Variants in MINDY4 observed in about 807,000 individuals in gnomAD.
The protein encoded by MINDY4 is MINDY lysine 48 deubiquitinase 4.
In MINDY4, 68 loss-of-function variants were observed where a neutral mutation model predicts 87.0. The observed-to-expected ratio is 0.78, with a 90% CI of 0.64 to 0.96. MINDY4 has a LOEUF of 0.96. MINDY4 is among the 40% of genes least tolerant of loss of function. MINDY4 has a pLI of 0.00. For missense variants in MINDY4, 919 were observed against 928.2 expected, an observed-to-expected ratio of 0.99 and a Z score of 0.13; for synonymous variants, 379 against 363.2, an observed-to-expected ratio of 1.04 and a Z score of -0.50.
chr7:30,831,982 G>A lies in MINDY4; in HGVS notation c.1132+3245G>A, dbSNP rs767254391. ...GCTTTGTCTTCCTGGCCAACATGTC[G>A]TTCTGGAGTGTTTTGTTTTTCCCTT... On this transcript the variant is annotated intron_variant, in intron 6 of 17. Coordinates refer to ENST00000265299, the MANE Select transcript of MINDY4 (RefSeq NM_032222.3). Among the ~76,000 whole-genome samples, 11 of 149,934 alleles carry A rather than the reference G, an allele frequency of 7.3e-5. 1 individual carries two copies. The South Asian group carries it at 1.0e-3, about 14-fold the overall frequency.
At chr7:30,870,547 AC>A in intron 13 of MINDY4, among the ~76,000 whole-genome samples, 1 of 152,188 alleles carries the variant, frequency 6.6e-6, no homozygotes, top group African/African-American at 2.4e-5. Context: ...TGCAAGGGTA[AC>A]CCCAGCTCAT....
chr7:30,871,975 A>C (rs73301957), intron 13 of MINDY4, among the ~76,000 whole-genome samples: 1 of 152,174 alleles, frequency 6.6e-6, no homozygotes, highest in African/African-American at 2.4e-5. Flanking sequence ...GCTGTTCTCT[A>C]GTGTAGGCAG....
At chr7:30,849,854 A>G (rs1289308861) in intron 9 of MINDY4, among the ~76,000 whole-genome samples, 2 of 152,102 alleles carry the variant, frequency 1.3e-5, no homozygotes, top group African/African-American at 4.8e-5. Context: ...TCCCAGCCAC[A>G]TTGTCCTTAT....
At chr7:30,833,663 A>G (rs1006500255) in intron 6 of MINDY4, among the ~76,000 whole-genome samples, 8 of 152,234 alleles carry the variant, frequency 5.3e-5, no homozygotes, top group Non-Finnish European at 1.5e-5. Flanking sequence ...AAAAGTCCAC[A>G]GTTTAAAGTC....
At chr7:30,847,506 C>T (rs1278726762) in intron 9 of MINDY4, among the ~76,000 whole-genome samples, 1 of 151,984 alleles carries the variant, frequency 6.6e-6, no homozygotes, top group South Asian at 2.1e-4. Context: ...CCCAAGCTCT[C>T]CTTCCTTCCT....
Position 30,874,234 on chromosome 7 carries a change from C to T in MINDY4, c.1810-1261C>T, listed in dbSNP as rs548967735. On this transcript the variant is annotated intron_variant, in intron 14 of 17. Coordinates refer to ENST00000265299, the MANE Select transcript of MINDY4 (RefSeq NM_032222.3). Reference sequence around the variant, plus strand: ...CCTGCCCTAGTGCTGGGGCTGGGCTCGCTCAAATTCCTCCTCAGTAGGCCC... The same window carrying T: ...CCTGCCCTAGTGCTGGGGCTGGGCTTGCTCAAATTCCTCCTCAGTAGGCCC... Among the ~76,000 whole-genome samples, 17 of 152,326 alleles carry T rather than the reference C, an allele frequency of 1.1e-4. No individual in the cohort carries two copies. The South Asian group carries it at 2.3e-3, about 20-fold the overall frequency.
intron 5 of MINDY4, among the ~76,000 whole-genome samples, chr7:30,794,510 G>A (rs756308233): frequency 5.9e-5 from 9 of 152,106 alleles, no homozygotes; most frequent in Admixed American, 1.3e-4. Context: ...GGCACAGGTG[G>A]GGTTAGGGGG....
intron 12 of MINDY4, among the ~76,000 whole-genome samples, chr7:30,856,822 G>A (rs577996564): frequency 6.6e-6 from 1 of 151,678 alleles, no homozygotes; most frequent in Admixed American, 6.6e-5. Flanking sequence ...CTGGTACAAG[G>A]GACTGGTGAC....
chr7:30,853,260 G>A (rs78306279), intron 11 of MINDY4, 134 bp from the exon 12 acceptor site: 45,770 of 713,300 alleles, frequency 0.064, 1,887 homozygotes, highest in Non-Finnish European at 0.074. Context: ...CTGACTTGGA[G>A]ATGCTGCTCT....
At chr7:30,863,649 T>A (rs1049173904) in intron 13 of MINDY4, among the ~76,000 whole-genome samples, 1 of 152,126 alleles carries the variant, frequency 6.6e-6, no homozygotes, top group Non-Finnish European at 1.5e-5. Context: ...GAGGACATCA[T>A]GGACAGATGT....
intron 5 of MINDY4, among the ~76,000 whole-genome samples, chr7:30,819,588 A>G (rs1398927715): frequency 6.6e-6 from 1 of 152,138 alleles, no homozygotes; most frequent in African/African-American, 2.4e-5. Flanking sequence ...AAAATTTTCT[A>G]TTATGCTCAC....
intron 7 of MINDY4, 89 bp downstream of exon 7, chr7:30,836,853 TC>T: frequency 2.1e-6 from 2 of 935,030 alleles, no homozygotes; most frequent in Admixed American, 4.2e-5. Flanking sequence ...CCAATCCAGC[TC>T]ATTGTAATCT....
chr7:30,785,611 AACGC>A, intron 3 of MINDY4, 134 bp from the exon 4 acceptor site: 1 of 1,002,980 alleles, frequency 1.0e-6, no homozygotes, highest in African/African-American at 1.6e-5. Flanking sequence ...CTTTCATGAT[AACGC>A]ACTGGCTGGT....
intron 5 of MINDY4, among the ~76,000 whole-genome samples, chr7:30,799,824 A>G (rs1006457852): frequency 6.6e-6 from 1 of 152,210 alleles, no homozygotes; most frequent in African/African-American, 2.4e-5. Context: ...CTCAGGAGGA[A>G]GTGGGGTGAG....
intron 5 of MINDY4, among the ~76,000 whole-genome samples, chr7:30,804,527 G>A (rs533492768): frequency 5.6e-4 from 86 of 152,274 alleles, no homozygotes; most frequent in African/African-American, 2.0e-3. Context: ...CGACAAATAT[G>A]TACTACAGGA....
At chr7:30,786,133 C>T (rs1787153061) in intron 4 of MINDY4, 141 bp downstream of exon 4, 1 of 1,128,758 alleles carries the variant, frequency 8.9e-7, no homozygotes, top group Admixed American at 2.3e-5. Context: ...AGAACAGTGC[C>T]TCTGTTTTCT....
At chr7:30,792,362 C>G (rs1185616529) in intron 5 of MINDY4, among the ~76,000 whole-genome samples, 1 of 152,146 alleles carries the variant, frequency 6.6e-6, no homozygotes, top group African/African-American at 2.4e-5. Flanking sequence ...TTTCTTGCAA[C>G]AGCTTTGTCA....
In MINDY4 at chr7:30,875,483, T is replaced by G. The variant is rs757004113; in HGVS notation, c.1810-12T>G. 3 of 1,613,984 alleles carry G rather than the reference T, an allele frequency of 1.9e-6. No homozygotes were observed. In the Admixed American group the frequency reaches 5.0e-5, roughly 27 times the overall value. ...AGACTTGATGAGTCTTTCCCCTTTCTCTCATCTGCAGGAACTTGTCAATCT... is the reference window on the plus strand; with the variant it reads ...AGACTTGATGAGTCTTTCCCCTTTCGCTCATCTGCAGGAACTTGTCAATCT... On this transcript the variant is annotated splice_polypyrimidine_tract_variant and intron_variant, in intron 14 of 17. Coordinates refer to ENST00000265299, the MANE Select transcript of MINDY4 (RefSeq NM_032222.3).
At chr7:30,839,068 G>C in intron 7 of MINDY4, 132 bp from the exon 8 acceptor site, 2 of 584,822 alleles carry the variant, frequency 3.4e-6, no homozygotes, top group South Asian at 5.0e-5. Context: ...AAAAAGAGAA[G>C]AGATGAACCA....
Sources: gnomAD v4.1 joint callset for allele counts (sites outside exome capture counted in the v4.1 genomes callset) on GRCh38, gnomAD v4.1.1 for gene constraint, MANE v1.5 for transcripts, NCBI Gene and HGNC (gene_info 2026-07-23, HGNC 2026-07-21) for gene names.